The following RPA3 variants were observed in gnomAD, a reference collection of about 807,000 sequenced individuals.
RPA3 encodes replication protein A3.
A neutral mutation model predicts 13.7 loss-of-function variants in RPA3; 24 were observed. The ratio of observed to expected loss-of-function variants is 1.75; its 90% CI spans 1.27 to 2.46. The LOEUF (loss-of-function observed/expected upper bound fraction) is 2.46, where lower values mean the gene tolerates loss of function less well. Ranked by LOEUF, RPA3 falls within the 30% of genes most tolerant of loss-of-function variation. The probability of loss-of-function intolerance (pLI) is 0.00; values close to 1 mark genes in which losing one functional copy is unlikely to be tolerated. For synonymous variants in RPA3, 59 were observed against 51.2 expected (o/e 1.15, Z -0.65); for missense variants, 183 against 151.0 (o/e 1.21, Z -1.11).
Position 7,639,069 on chromosome 7 carries a change from C to A in RPA3, c.174+1G>T, listed in dbSNP as rs756611481. 1 of 1,607,028 alleles carries A rather than the reference C, an allele frequency of 6.2e-7. No individual in the cohort carries two copies. Among genetic ancestry groups the A allele is most frequent in the East Asian group, 2.2e-5 (1 of 44,706 alleles). ...AGAGACTTATTAACACTTAAACATA[C>A]GGGTTCCATCAACTCGATGGTTCCA... On this transcript the variant is annotated splice_donor_variant, in intron 6 of 7. Coordinates refer to ENST00000223129, the MANE Select transcript of RPA3 (RefSeq NM_002947.5). LOFTEE classifies it high-confidence loss of function.
intron 4 of RPA3, among the ~76,000 whole-genome samples, chr7:7,680,767 T>C (rs900031527): frequency 6.6e-6 from 1 of 152,144 alleles, no homozygotes; most frequent in Non-Finnish European, 1.5e-5. Context: ...TCACTTTGGT[T>C]ATATTTATTC....
intron 4 of RPA3, among the ~76,000 whole-genome samples, chr7:7,679,929 C>G (rs1415986732): frequency 2.0e-5 from 3 of 151,724 alleles, no homozygotes; most frequent in Non-Finnish European, 2.9e-5. Flanking sequence ...CTTATATATA[C>G]TGATTGTTCA....
intron 2 of RPA3, among the ~76,000 whole-genome samples, chr7:7,699,922 A>G (rs1168180105): frequency 1.3e-5 from 2 of 152,246 alleles, no homozygotes; most frequent in African/African-American, 4.8e-5. Context: ...GATTATAGCC[A>G]GAAAACTACA....
intron 2 of RPA3, among the ~76,000 whole-genome samples, chr7:7,697,164 T>A (rs974882245): frequency 2.0e-5 from 3 of 152,204 alleles, no homozygotes; most frequent in Non-Finnish European, 4.4e-5. Flanking sequence ...GTCTTGATGA[T>A]CATAATCCAC....
intron 2 of RPA3, among the ~76,000 whole-genome samples, chr7:7,694,617 C>G (rs1780263909): frequency 1.3e-5 from 2 of 151,888 alleles, no homozygotes; most frequent in South Asian, 4.1e-4. Context: ...TTAGTTCCCA[C>G]AAATGAGTGA....
chr7:7,636,789 T>C lies in RPA3; in HGVS notation c.*211A>G, dbSNP rs182395806. The stretch of plus-strand genomic sequence containing the variant: ...ACAACTGCTTTATTCTTGCATCTAA[T>C]CTGACCATATATTGGAGTAGCAATT... On this transcript the variant is annotated 3_prime_UTR_variant, in exon 8 of 8. Coordinates refer to ENST00000223129, the MANE Select transcript of RPA3 (RefSeq NM_002947.5). 4 of 500,796 alleles carry C rather than the reference T, an allele frequency of 8.0e-6. No individual in the cohort carries two copies. In the East Asian group the frequency reaches 1.1e-4, roughly 13 times the overall value. 31.0% of individuals were successfully genotyped at this position (500,796 alleles called of 1,614,324 possible). A position where few individuals can be genotyped will look rare whatever the true frequency, so the allele number is the denominator to read the frequency against.
At chr7:7,698,175 T>C (rs1346483043) in intron 2 of RPA3, among the ~76,000 whole-genome samples, 5 of 152,230 alleles carry the variant, frequency 3.3e-5, no homozygotes, top group Admixed American at 2.0e-4. Flanking sequence ...TGATGTGATA[T>C]TATTTATTTT....
At chr7:7,687,709 A>G (rs1563123099) in intron 2 of RPA3, among the ~76,000 whole-genome samples, 1 of 152,230 alleles carries the variant, frequency 6.6e-6, no homozygotes, top group Non-Finnish European at 1.5e-5. Context: ...CGGTATTTCC[A>G]TCAAAAATGA....
intron 2 of RPA3, among the ~76,000 whole-genome samples, chr7:7,710,809 A>G (rs1563144186): frequency 6.6e-6 from 1 of 152,232 alleles, no homozygotes; most frequent in Non-Finnish European, 1.5e-5. Context: ...CAACAGGTGA[A>G]TGGTTAAATC....
chr7:7,676,232 C>G (rs1779735365), intron 4 of RPA3: 3 of 398,578 alleles, frequency 7.5e-6, no homozygotes, highest in Non-Finnish European at 8.8e-6. Flanking sequence ...CCCAGTACCA[C>G]TTAGCATATC....
intron 4 of RPA3, among the ~76,000 whole-genome samples, chr7:7,647,065 A>G (rs1785114896): frequency 6.6e-6 from 1 of 152,194 alleles, no homozygotes; most frequent in Admixed American, 6.5e-5. Context: ...TTTATTCTCC[A>G]AGATTGTACA....
chr7:7,658,334 C>G (rs1331710651), intron 4 of RPA3, among the ~76,000 whole-genome samples: 1 of 152,240 alleles, frequency 6.6e-6, no homozygotes, highest in Admixed American at 6.5e-5. Flanking sequence ...CTGGCCAGAA[C>G]TTCTAATACT....
At chr7:7,647,049 C>A (rs989917060) in intron 4 of RPA3, among the ~76,000 whole-genome samples, 4 of 152,042 alleles carry the variant, frequency 2.6e-5, no homozygotes, top group African/African-American at 9.7e-5. Context: ...TGGAGTGTTT[C>A]TTTTATTTAT....
intron 4 of RPA3, among the ~76,000 whole-genome samples, chr7:7,650,793 C>T (rs17545935): frequency 0.14 from 20,767 of 152,138 alleles, 1,833 homozygotes; most frequent in Middle Eastern, 0.2. Context: ...TGATTTCCTC[C>T]GGCATCACTG....
rs543197643 is a variant in RPA3 at position 7,696,446 on chromosome 7, T to G, written c.-1027-9118A>C. 8.9e-4 allele frequency among the ~76,000 whole-genome samples: 135 copies of G among 152,286 alleles called. 2 individuals are homozygous for G. The highest frequency in any genetic ancestry group is 3.2e-3 in the African/African-American group (133 of 41,570). ...AAATACTTCTTAGAAGTCCTGAGCT[T>G]AGCCACTGGAACTGGCCACAAGACC... On this transcript the variant is annotated intron_variant, in intron 2 of 7. Coordinates refer to ENST00000223129, the MANE Select transcript of RPA3 (RefSeq NM_002947.5).
At chr7:7,646,803 C>G (rs1350677665) in intron 4 of RPA3, among the ~76,000 whole-genome samples, 1 of 152,082 alleles carries the variant, frequency 6.6e-6, no homozygotes, top group African/African-American at 2.4e-5. Context: ...CTCTTCTCTC[C>G]TCTGCTGCAC....
chr7:7,710,567 A>C (rs1780729770), intron 2 of RPA3, among the ~76,000 whole-genome samples: 1 of 152,200 alleles, frequency 6.6e-6, no homozygotes. Flanking sequence ...AAATGCTGGT[A>C]AGGATGAAGA....
At chr7:7,675,098 C>G (rs1208751067) in intron 4 of RPA3, among the ~76,000 whole-genome samples, 1 of 152,150 alleles carries the variant, frequency 6.6e-6, no homozygotes, top group Non-Finnish European at 1.5e-5. Flanking sequence ...CTCCTGGCCT[C>G]AAGCAATCTT....
At chr7:7,646,676 G>T (rs1477302571) in intron 4 of RPA3, among the ~76,000 whole-genome samples, 1 of 151,856 alleles carries the variant, frequency 6.6e-6, no homozygotes, top group Non-Finnish European at 1.5e-5. Context: ...TACAGATGGG[G>T]AGCTGGAGAG....
Sources: allele counts gnomAD v4.1 joint callset (sites outside exome capture counted in the v4.1 genomes callset), GRCh38; gene constraint gnomAD v4.1.1; transcripts MANE v1.5; gene names NCBI Gene and HGNC (gene_info 2026-07-23, HGNC 2026-07-21).